The following SLC66A2 variants were observed in gnomAD, a reference collection of about 807,000 sequenced individuals.
SLC66A2 encodes the protein PQ loop repeat containing 1.
Under a neutral mutation model 25.5 loss-of-function variants are expected in SLC66A2, and 23 were observed. The ratio of observed to expected loss-of-function variants is 0.90; its 90% CI spans 0.65 to 1.28. The LOEUF (loss-of-function observed/expected upper bound fraction) is 1.28, where lower values mean the gene tolerates loss of function less well. Among genes scored for constraint, SLC66A2 ranks in the 50% most tolerant of loss-of-function variants. The probability of loss-of-function intolerance (pLI) is 0.00; values close to 1 mark genes in which losing one functional copy is unlikely to be tolerated. For missense variants in SLC66A2, 396 were observed against 373.1 expected, an observed-to-expected ratio of 1.06 and a Z score of -0.51; for synonymous variants, 193 against 166.5, an observed-to-expected ratio of 1.16 and a Z score of -1.23.
chr18:79,939,870 A>G (rs1265207319), intron 3 of SLC66A2, among the ~76,000 whole-genome samples: 2 of 152,220 alleles, frequency 1.3e-5, no homozygotes, highest in Admixed American at 1.3e-4. Flanking sequence ...GGTACTGGGT[A>G]TAAACGCCAG....
intron 3 of SLC66A2, 21 bp from the exon 4 acceptor site, chr18:79,934,043 C>T: frequency 2.5e-6 from 4 of 1,604,732 alleles, no homozygotes; most frequent in Non-Finnish European, 3.4e-6. Flanking sequence ...AAAAGGGAGA[C>T]AGAAACAGAA....
chr18:79,911,500 G>A (rs1056591678), intron 5 of SLC66A2, among the ~76,000 whole-genome samples: 5 of 152,248 alleles, frequency 3.3e-5, no homozygotes, highest in Admixed American at 1.3e-4. Flanking sequence ...CTGTCCCCAG[G>A]TCACCGCCCG....
intron 5 of SLC66A2, among the ~76,000 whole-genome samples, chr18:79,905,245 T>C (rs1404403490): frequency 6.6e-6 from 1 of 152,236 alleles, no homozygotes; most frequent in African/African-American, 2.4e-5. Context: ...TGGGTCGGTT[T>C]AGCTAAATTA....
chr18:79,920,046 CA>C (rs10711982), intron 4 of SLC66A2, among the ~76,000 whole-genome samples: 4 of 96 alleles, frequency 0.042, 2 homozygotes, highest in Non-Finnish European at 0.033. Flanking sequence ...TGAGGAGAGA[CA>C]GGAACCGAGT....
intron 5 of SLC66A2, among the ~76,000 whole-genome samples, chr18:79,916,164 C>CGCG: frequency 1.7e-5 from 1 of 59,074 alleles, no homozygotes; most frequent in African/African-American, 4.7e-5. Flanking sequence ...CTCTCGTACC[C>CGCG]GCAGTGCTCC....
Position 79,926,556 on chromosome 18 carries a change from G to A in SLC66A2, c.392-7156C>T, listed in dbSNP as rs143602882. Among the ~76,000 whole-genome samples, 231 of 152,234 alleles carry A rather than the reference G, an allele frequency of 1.5e-3. 1 individual carries two copies. Among genetic ancestry groups the A allele is most frequent in the African/African-American group, 5.3e-3 (221 of 41,534 alleles). Reference sequence around the variant, plus strand: ...GCTCGCAGGACGTGAATGGCATCTCGGTAACGCCAAGCTCCACCCCAGAGC... The same window carrying A: ...GCTCGCAGGACGTGAATGGCATCTCAGTAACGCCAAGCTCCACCCCAGAGC... On this transcript the variant is annotated intron_variant, in intron 4 of 5. Transcript: ENST00000397778.
At position 79,904,604 on chromosome 18, in the gene SLC66A2, G is replaced by C. The variant is rs1230156290; in HGVS notation, c.609-421C>G. 6.6e-6 allele frequency among the ~76,000 whole-genome samples: 1 copy of C among 152,118 alleles called. No homozygotes were observed. The highest frequency in any genetic ancestry group is 1.5e-5 in the Non-Finnish European group (1 of 67,996). ...TGGTGCGCGGTGGCAATTCTGGGAG[G>C]GGCCGGGCCTGGGAGGGTGCTGAGG... On this transcript the variant is annotated intron_variant, in intron 5 of 5. Transcript: ENST00000397778. This position sits in a 1 kb window ranked among gnomAD's most constrained non-coding sequence, Gnocchi z 6.3.
chr18:79,942,998 TCTGACCTGATGGGC>T (rs1490113070), intron 3 of SLC66A2, among the ~76,000 whole-genome samples: 1 of 152,182 alleles, frequency 6.6e-6, no homozygotes, highest in Non-Finnish European at 1.5e-5. Flanking sequence ...CCTGGTACCG[TCTGACCTGATGGGC>T]CAGGCACAGA....
chr18:79,905,433 C>T (rs1018022340), intron 5 of SLC66A2, among the ~76,000 whole-genome samples: 1 of 141,736 alleles, frequency 7.1e-6, no homozygotes, highest in African/African-American at 2.7e-5. Flanking sequence ...CTCACACACC[C>T]CAGCAGTCAG....
chr18:79,918,125 C>G lies in SLC66A2; in HGVS notation c.608+1059G>C, dbSNP rs1984453342. 6.6e-6 allele frequency among the ~76,000 whole-genome samples: 1 copy of G among 152,150 alleles called. No individual in the cohort carries two copies. The highest frequency in any genetic ancestry group is 6.5e-5 in the Admixed American group (1 of 15,276). On this transcript the variant is annotated intron_variant, in intron 5 of 5. Transcript: ENST00000397778. This position sits in a 1 kb window ranked among gnomAD's most constrained non-coding sequence, Gnocchi z 4.0. The stretch of plus-strand genomic sequence containing the variant: ...TCTCACGGGCAACTGAACCTACACA[C>G]AACCCCCGGCCCTCACACCTCTGCC...
At chr18:79,914,133 T>C (rs957405193) in intron 5 of SLC66A2, among the ~76,000 whole-genome samples, 4 of 152,230 alleles carry the variant, frequency 2.6e-5, no homozygotes, top group Non-Finnish European at 4.4e-5. Context: ...CTTGAACTCC[T>C]AACCTTGTGA....
At position 79,923,436 on chromosome 18, in the gene SLC66A2, G is replaced by A. The variant is rs1985539989; in HGVS notation, c.392-4036C>T. ...GCCAGGTGAGGGTTTAAGAGACTTGGGAAAGCCAGGTCTAAGGTCCATCTC... is the reference window on the plus strand; with the variant it reads ...GCCAGGTGAGGGTTTAAGAGACTTGAGAAAGCCAGGTCTAAGGTCCATCTC... On this transcript the variant is annotated intron_variant, in intron 4 of 5. Coordinates refer to ENST00000397778, the MANE Select transcript of SLC66A2 (RefSeq NM_025078.5). Among the ~76,000 whole-genome samples, 2 of 152,098 alleles carry A rather than the reference G, an allele frequency of 1.3e-5. 1 individual carries two copies. Among genetic ancestry groups the A allele is most frequent in the South Asian group, 4.1e-4 (2 of 4,834 alleles).
At chr18:79,913,438 G>T (rs1173101202) in intron 5 of SLC66A2, among the ~76,000 whole-genome samples, 2 of 152,254 alleles carry the variant, frequency 1.3e-5, no homozygotes, top group East Asian at 3.8e-4. Context: ...TTCGGAGCCT[G>T]CTGTGTTAAT....
Position 79,918,428 on chromosome 18 carries a change from G to GGA in SLC66A2, c.608+755_608+756insTC, listed in dbSNP as rs1984528713. ...CCAGTGAGGAGCGGGCCCGGGGGGG[G>GGA]GTCCCCAGTGAGGAGCGGGCACCGG... On this transcript the variant is annotated intron_variant, in intron 5 of 5. Transcript: ENST00000397778. The surrounding 1 kb of genome is among the most constrained non-coding windows in gnomAD (Gnocchi z 4.0). Among the ~76,000 whole-genome samples the GGA allele has an allele frequency of 6.7e-6, 1 of 149,830 alleles. No homozygotes were observed. The highest frequency in any genetic ancestry group is 1.5e-5 in the Non-Finnish European group (1 of 67,358).
Position 79,941,971 on chromosome 18 carries a change from G to A in SLC66A2, c.337+1358C>T, listed in dbSNP as rs954050814. On this transcript the variant is annotated intron_variant, in intron 3 of 5. Coordinates refer to ENST00000397778, the MANE Select transcript of SLC66A2 (RefSeq NM_025078.5). This position sits in a 1 kb window ranked among gnomAD's most constrained non-coding sequence, Gnocchi z 4.1. The stretch of plus-strand genomic sequence containing the variant: ...CTCTCGGCCAGCCGGCCCTCCCACA[G>A]TGAGAACATTCTTGTTCCAAGTTAA... 4.6e-5 allele frequency among the ~76,000 whole-genome samples: 7 copies of A among 152,272 alleles called. No homozygotes were observed. The highest frequency in any genetic ancestry group is 7.2e-5 in the African/African-American group (3 of 41,480).
chr18:79,950,174 CCACT>C (rs1046320191), intron 2 of SLC66A2, among the ~76,000 whole-genome samples: 1 of 151,914 alleles, frequency 6.6e-6, no homozygotes, highest in African/African-American at 2.4e-5. Flanking sequence ...AGACAACCCC[CCACT>C]CCCCTGTCTC....
At chr18:79,907,279 T>A (rs1010818413) in intron 5 of SLC66A2, among the ~76,000 whole-genome samples, 7 of 151,758 alleles carry the variant, frequency 4.6e-5, no homozygotes, top group Non-Finnish European at 8.8e-5. Context: ...TTGAAATTTT[T>A]AAAATATCCC....
At chr18:79,935,259 G>C (rs1416957633) in intron 3 of SLC66A2, 1 of 152,284 alleles carries the variant, frequency 6.6e-6, no homozygotes, top group African/African-American at 2.4e-5. Flanking sequence ...AAGAAGACAT[G>C]GTTCAGGCTG....
In SLC66A2 at chr18:79,943,585, G is replaced by C. The variant is rs112257234; in HGVS notation, c.204-123C>G. On this transcript the variant is annotated intron_variant, in intron 2 of 5. Transcript: ENST00000397778. ...CACCCACGCCGCCCCTCCCAGTCCTGAACCTGCAGCCGGAGAGACCCTGTG... is the reference window on the plus strand; with the variant it reads ...CACCCACGCCGCCCCTCCCAGTCCTCAACCTGCAGCCGGAGAGACCCTGTG... The C allele has an allele frequency of 2.5e-5, 29 of 1,181,304 alleles. No homozygotes were observed. In the African/African-American group the frequency reaches 3.0e-4, roughly 12 times the overall value. The allele number at this position is 1,181,304 out of a possible 1,614,324, so 73.2% of individuals were successfully genotyped here.
Sources: gnomAD v4.1 joint callset for allele counts (sites outside exome capture counted in the v4.1 genomes callset) on GRCh38, gnomAD v4.1.1 for gene constraint, Gnocchi (gnomAD v3.1) non-coding constraint, MANE v1.5 for transcripts, NCBI Gene and HGNC (gene_info 2026-07-23, HGNC 2026-07-21) for gene names.